Variants in WDPCP observed in about 807,000 individuals in gnomAD.
The protein encoded by WDPCP is WD repeat containing planar cell polarity effector.
WDPCP carries 71 observed loss-of-function variants against 93.1 expected under a neutral mutation model. The ratio of observed to expected loss-of-function variants is 0.76; its 90% confidence interval spans 0.63 to 0.93. WDPCP has a LOEUF of 0.93. Among genes scored for constraint, WDPCP ranks in the 40% least tolerant of loss-of-function variants. WDPCP has a pLI of 0.00. For missense variants in WDPCP, 844 were observed against 887.4 expected (o/e 0.95, Z 0.62); for synonymous variants, 315 against 315.0 (o/e 1.00, Z 0.00).
chr2:63,302,951 A>G (rs1489232274), intron 13 of WDPCP, among the ~76,000 whole-genome samples: 2 of 152,196 alleles, frequency 1.3e-5, no homozygotes, highest in Admixed American at 1.3e-4. Flanking sequence ...AATGGTGACT[A>G]TCTTCTTGTG....
intron 13 of WDPCP, among the ~76,000 whole-genome samples, chr2:63,312,030 A>T (rs941787529): frequency 6.6e-6 from 1 of 152,138 alleles, no homozygotes; most frequent in African/African-American, 2.4e-5. Flanking sequence ...TAAAAAGTGT[A>T]ATTAATTTTC....
intron 2 of WDPCP, among the ~76,000 whole-genome samples, chr2:63,669,368 A>AT (rs890389398): frequency 1.1e-4 from 3 of 28,078 alleles, no homozygotes; most frequent in African/African-American, 2.2e-4. Context: ...ATTTTATTTT[A>AT]TTTTTTTTTG....
chr2:63,147,983 A>C (rs912193807), intron 17 of WDPCP, among the ~76,000 whole-genome samples: 1 of 151,762 alleles, frequency 6.6e-6, no homozygotes, highest in Non-Finnish European at 1.5e-5. Flanking sequence ...AAAAAAAAAA[A>C]AAAAACTTAC....
At chr2:63,510,844 C>T (rs1361660303) in intron 1 of WDPCP, among the ~76,000 whole-genome samples, 1 of 152,000 alleles carries the variant, frequency 6.6e-6, no homozygotes. Context: ...GGCGTGGTGG[C>T]GGGTGCCTGT....
chr2:63,159,711 C>T (rs1445989590), intron 15 of WDPCP, among the ~76,000 whole-genome samples: 1 of 152,144 alleles, frequency 6.6e-6, no homozygotes, highest in Non-Finnish European at 1.5e-5. Flanking sequence ...GGCTGTTTGT[C>T]GTGCTATTTG....
chr2:63,755,545 C>G (rs1669954394), intron 2 of WDPCP, among the ~76,000 whole-genome samples: 1 of 152,148 alleles, frequency 6.6e-6, no homozygotes, highest in Non-Finnish European at 1.5e-5. Context: ...AAAATAACAA[C>G]AAAAGTTGAC....
At chr2:63,787,130 C>A (rs1670479452) in intron 2 of WDPCP, among the ~76,000 whole-genome samples, 1 of 152,046 alleles carries the variant, frequency 6.6e-6, no homozygotes, top group Admixed American at 6.6e-5. Context: ...AAAATAAACA[C>A]AGAATAGCTA....
intron 2 of WDPCP, among the ~76,000 whole-genome samples, chr2:63,675,328 G>A (rs1215490818): frequency 2.0e-5 from 3 of 152,150 alleles, no homozygotes; most frequent in African/African-American, 4.8e-5. Flanking sequence ...CCTTGGCTGG[G>A]ATTCCCTCAA....
intron 1 of WDPCP, among the ~76,000 whole-genome samples, chr2:63,550,739 ATATG>A (rs543628323): frequency 1.3e-4 from 20 of 149,578 alleles, no homozygotes; most frequent in South Asian, 4.2e-4. Context: ...ATATATGTGC[ATATG>A]TATGTGTATA....
intron 1 of WDPCP, among the ~76,000 whole-genome samples, chr2:63,533,830 G>C (rs1156883412): frequency 1.3e-5 from 2 of 152,062 alleles, no homozygotes; most frequent in African/African-American, 2.4e-5. Context: ...ACATTCACAA[G>C]CTAGCAGAAG....
rs1042287566 is a variant in WDPCP at position 63,815,636 on chromosome 2, G to A, written n.223-1929C>T. 3.3e-5 allele frequency among the ~76,000 whole-genome samples: 5 copies of A among 152,104 alleles called. No individual in the cohort carries two copies. In the East Asian group the frequency reaches 9.6e-4, roughly 29 times the overall value. On this transcript the variant is annotated intron_variant and non_coding_transcript_variant, in intron 1 of 4. Coordinates refer to the WDPCP transcript ENST00000467687. The stretch of plus-strand genomic sequence containing the variant: ...TACAGCTGGAGAGTCTCCACACCAC[G>A]GACCAGTAGTATAGTTGGCCTATCA...
chr2:63,535,299 T>C (rs145124044), intron 1 of WDPCP, among the ~76,000 whole-genome samples: 29,533 of 152,144 alleles, frequency 0.19, 3,690 homozygotes, highest in Non-Finnish European at 0.25. Context: ...AGGTAATTTA[T>C]AGATTCAATG....
At chr2:63,127,662 C>CATATATATATATATATAT (rs67091232) in intron 17 of WDPCP, among the ~76,000 whole-genome samples, 1 of 131,720 alleles carries the variant, frequency 7.6e-6, no homozygotes, top group African/African-American at 2.9e-5. Flanking sequence ...TGTGTATGTG[C>CATATATATATATATATAT]ATATATATAT....
intron 14 of WDPCP, among the ~76,000 whole-genome samples, chr2:63,224,276 TATTC>T (rs1678088379): frequency 6.6e-6 from 1 of 152,028 alleles, no homozygotes; most frequent in South Asian, 2.1e-4. Context: ...CAAGGATTCT[TATTC>T]ATCAATGGTG....
chr2:63,297,308 C>T (rs1038179752), intron 13 of WDPCP, among the ~76,000 whole-genome samples: 5 of 152,254 alleles, frequency 3.3e-5, no homozygotes, highest in South Asian at 2.1e-4. Context: ...AGATGTCCTC[C>T]GTAAATATGG....
intron 1 of WDPCP, among the ~76,000 whole-genome samples, chr2:63,560,288 TA>T (rs1164567941): frequency 2.6e-5 from 4 of 151,970 alleles, no homozygotes; most frequent in Non-Finnish European, 4.4e-5. Flanking sequence ...ATAGCCAAGA[TA>T]ATCCTAAGCA....
At chr2:63,573,692 A>C (rs1707711054) in intron 1 of WDPCP, among the ~76,000 whole-genome samples, 1 of 152,206 alleles carries the variant, frequency 6.6e-6, no homozygotes, top group Non-Finnish European at 1.5e-5. Context: ...GGATAACAGC[A>C]ATGTTCAGGG....
chr2:63,784,312 C>T (rs1670438750), intron 2 of WDPCP, among the ~76,000 whole-genome samples: 2 of 152,094 alleles, frequency 1.3e-5, no homozygotes, highest in South Asian at 2.1e-4. Context: ...AGAAGGGGTC[C>T]CAAAGACAAA....
chr2:63,512,852 G>A (rs533215999), intron 1 of WDPCP, among the ~76,000 whole-genome samples: 6 of 151,330 alleles, frequency 4.0e-5, no homozygotes, highest in African/African-American at 1.5e-4. Flanking sequence ...GTAACAAACC[G>A]CACGTTCTGC....
Sources: gnomAD v4.1 joint callset for allele counts (sites outside exome capture counted in the v4.1 genomes callset) on GRCh38, gnomAD v4.1.1 for gene constraint, MANE v1.5 for transcripts, NCBI Gene and HGNC (gene_info 2026-07-23, HGNC 2026-07-21) for gene names.